Variants in NCK2 observed in about 807,000 individuals in gnomAD.
The protein encoded by NCK2 is cytoplasmic protein NCK2.
NCK2 carries 16 observed loss-of-function variants against 33.9 expected under a neutral mutation model. That is an observed-to-expected ratio of 0.47 (90% CI 0.32 to 0.72). The LOEUF is 0.72. Ranked by LOEUF, NCK2 falls within the 30% of genes least tolerant of loss-of-function variation. NCK2 has a pLI of 0.03. For synonymous variants in NCK2, 273 were observed against 239.9 expected (o/e 1.14, Z -1.27); for missense variants, 418 against 537.3 (o/e 0.78, Z 2.19).
chr2:105,872,629 T>C (rs556763280), intron 3 of NCK2, among the ~76,000 whole-genome samples: 1 of 152,214 alleles, frequency 6.6e-6, no homozygotes, highest in East Asian at 1.9e-4. Context: ...AAACAACAAA[T>C]GAGCAAAGAA....
At chr2:105,772,569 G>A (rs1020437556) in intron 1 of NCK2, among the ~76,000 whole-genome samples, 7 of 152,046 alleles carry the variant, frequency 4.6e-5, no homozygotes, top group East Asian at 1.9e-4. Flanking sequence ...CTGATGCTGG[G>A]TTAAACATTG....
chr2:105,822,733 A>G (rs1268564625), intron 2 of NCK2, among the ~76,000 whole-genome samples: 1 of 152,002 alleles, frequency 6.6e-6, no homozygotes, highest in Non-Finnish European at 1.5e-5. Context: ...AATACATAAC[A>G]TTCCATTCAT....
rs555334088 is a variant in NCK2 at position 105,811,325 on chromosome 2, A to G, written c.-200-5105A>G. The stretch of plus-strand genomic sequence containing the variant: ...GTGGTGGATGAGGGAACAGAGAGGC[A>G]TTTGGTGGCCAAGTTAGGCCTACAG... On this transcript the variant is annotated intron_variant, in intron 1 of 4. Transcript: ENST00000233154. 2.5e-3 allele frequency among the ~76,000 whole-genome samples: 381 copies of G among 152,262 alleles called. 1 individual carries two copies. Among genetic ancestry groups the G allele is most frequent in the African/African-American group, 8.9e-3 (369 of 41,530 alleles).
chr2:105,870,107 G>T (rs1251992352), intron 3 of NCK2, among the ~76,000 whole-genome samples: 1 of 152,112 alleles, frequency 6.6e-6, no homozygotes, highest in Admixed American at 6.5e-5. Context: ...CCACCCACTG[G>T]CAAAGGGACT....
chr2:105,850,787 C>G (rs776025898), intron 2 of NCK2, among the ~76,000 whole-genome samples: 2 of 152,070 alleles, frequency 1.3e-5, no homozygotes, highest in Non-Finnish European at 2.9e-5. Context: ...TTCAGACTTT[C>G]TTCTGTTGAG....
At chr2:105,798,653 C>T (rs1691167045) in intron 1 of NCK2, among the ~76,000 whole-genome samples, 1 of 152,060 alleles carries the variant, frequency 6.6e-6, no homozygotes, top group Non-Finnish European at 1.5e-5. Flanking sequence ...CTGTGGTGAA[C>T]CCACTGAGGT....
At chr2:105,766,218 C>A (rs1418384060) in intron 1 of NCK2, among the ~76,000 whole-genome samples, 3 of 152,214 alleles carry the variant, frequency 2.0e-5, no homozygotes, top group Non-Finnish European at 4.4e-5. Context: ...AATGTGGGGA[C>A]TTCCCACCTG....
At chr2:105,806,485 G>A (rs773316556) in intron 1 of NCK2, among the ~76,000 whole-genome samples, 24 of 152,122 alleles carry the variant, frequency 1.6e-4, no homozygotes, top group South Asian at 2.1e-4. Context: ...GATCCACCCC[G>A]CGTTGGCCTC....
At chr2:105,758,558 T>C (rs1375800362) in intron 1 of NCK2, among the ~76,000 whole-genome samples, 27 of 151,856 alleles carry the variant, frequency 1.8e-4, no homozygotes, top group African/African-American at 6.5e-4. Flanking sequence ...TACAGGTGCG[T>C]ACCACCATGC....
At chr2:105,759,270 A>G (rs1482015137) in intron 1 of NCK2, among the ~76,000 whole-genome samples, 1 of 152,218 alleles carries the variant, frequency 6.6e-6, no homozygotes, top group Non-Finnish European at 1.5e-5. Flanking sequence ...TACGTATTCA[A>G]GTACACATAG....
rs1181714885 is a variant in NCK2, at chr2:105,816,083, G to A, written c.-200-347G>A. 2.0e-5 allele frequency among the ~76,000 whole-genome samples: 3 copies of A among 152,292 alleles called. No individual in the cohort carries two copies. In the East Asian group the frequency reaches 5.8e-4, roughly 29 times the overall value. Reference sequence around the variant, plus strand: ...AGGTGGGAAGAGGGAGTACATGTGTGTTGATGGAGGTCTTTAGGCACAGAG... The same window carrying A: ...AGGTGGGAAGAGGGAGTACATGTGTATTGATGGAGGTCTTTAGGCACAGAG... On this transcript the variant is annotated intron_variant, in intron 1 of 4. Transcript: ENST00000233154.
intron 3 of NCK2, among the ~76,000 whole-genome samples, chr2:105,872,156 G>A (rs935221532): frequency 3.3e-5 from 5 of 152,158 alleles, no homozygotes; most frequent in African/African-American, 7.2e-5. Context: ...TGCTTTGCTC[G>A]ACACGTTTCT....
intron 1 of NCK2, among the ~76,000 whole-genome samples, chr2:105,748,427 C>G (rs1350672013): frequency 6.6e-6 from 1 of 152,072 alleles, no homozygotes; most frequent in Non-Finnish European, 1.5e-5. Context: ...CCCTGTCACC[C>G]AGGCTGGAGT....
chr2:105,892,121 T>G (rs112166148), intron 4 of NCK2, among the ~76,000 whole-genome samples: 4 of 151,974 alleles, frequency 2.6e-5, no homozygotes, highest in African/African-American at 9.7e-5. Flanking sequence ...GAGGCGCAGG[T>G]TGCAGTGAGC....
intron 2 of NCK2, among the ~76,000 whole-genome samples, chr2:105,821,927 C>T (rs556817246): frequency 2.1e-5 from 3 of 146,164 alleles, no homozygotes; most frequent in African/African-American, 5.0e-5. Context: ...TTCTGCTTCC[C>T]GGGCTGCTGT....
intron 1 of NCK2, among the ~76,000 whole-genome samples, chr2:105,811,149 T>A (rs1370829935): frequency 7.6e-6 from 1 of 131,852 alleles, no homozygotes; most frequent in Non-Finnish European, 1.6e-5. Context: ...CACTCCAGCC[T>A]GGTGACAGAG....
chr2:105,772,854 G>T (rs1011803900), intron 1 of NCK2, among the ~76,000 whole-genome samples: 1 of 150,440 alleles, frequency 6.6e-6, no homozygotes, highest in Non-Finnish European at 1.5e-5. Context: ...TTCCTTCACA[G>T]TGTGTTCCTG....
At chr2:105,763,607 T>C (rs2104360326) in intron 1 of NCK2, among the ~76,000 whole-genome samples, 1 of 152,302 alleles carries the variant, frequency 6.6e-6, no homozygotes, top group South Asian at 2.1e-4. Context: ...GATCTGTGAT[T>C]ATTTACTGTT....
In NCK2 at chr2:105,888,222, C is replaced by G. The variant is rs1195064395; in HGVS notation, c.949-4760C>G. On this transcript the variant is annotated intron_variant, in intron 4 of 4. Coordinates refer to ENST00000233154, the MANE Select transcript of NCK2 (RefSeq NM_003581.5). ...AGAAGGGTCAAATGAATGGGTTGTA[C>G]TAATTGTTCATTCTCCAGAACCATT... Among the ~76,000 whole-genome samples, 5 of 152,132 alleles carry G rather than the reference C, an allele frequency of 3.3e-5. No individual in the cohort carries two copies. The East Asian group carries it at 9.6e-4, about 29-fold the overall frequency.
Sources: gnomAD v4.1 joint callset for allele counts (sites outside exome capture counted in the v4.1 genomes callset) on GRCh38, gnomAD v4.1.1 for gene constraint, MANE v1.5 for transcripts, NCBI Gene and HGNC (gene_info 2026-07-23, HGNC 2026-07-21) for gene names.